PLEKHM3: variants seen among roughly 807,000 people sequenced by gnomAD.
PLEKHM3 encodes pleckstrin homology domain-containing family M member 3.
PLEKHM3 carries 45 observed loss-of-function variants against 81.8 expected under a neutral mutation model. The ratio of observed to expected loss-of-function variants is 0.55; its 90% CI spans 0.43 to 0.71. The LOEUF (loss-of-function observed/expected upper bound fraction) is 0.71, where lower values mean the gene tolerates loss of function less well. PLEKHM3 is among the 30% of genes least tolerant of loss of function. The pLI is 0.00. For missense variants in PLEKHM3, 788 were observed against 924.3 expected (o/e 0.85, Z 1.91); for synonymous variants, 352 against 356.4 (o/e 0.99, Z 0.14).
chr2:207,851,507 G>C (rs925494398), intron 7 of PLEKHM3: 1 of 152,138 alleles, frequency 6.6e-6, no homozygotes, highest in Non-Finnish European at 1.5e-5. Context: ...AGGCCGAGGC[G>C]GGGGAGGATC....
At chr2:207,981,726 A>T (rs972950501) in intron 2 of PLEKHM3, among the ~76,000 whole-genome samples, 1 of 152,168 alleles carries the variant, frequency 6.6e-6, no homozygotes, top group African/African-American at 2.4e-5. Flanking sequence ...AATTTACCAT[A>T]GTTCACTTTT....
chr2:207,844,206 T>A (rs547622149), intron 7 of PLEKHM3, among the ~76,000 whole-genome samples: 47 of 152,282 alleles, frequency 3.1e-4, no homozygotes, highest in Non-Finnish European at 4.9e-4. Flanking sequence ...GTTAGTGGCT[T>A]CCAATATTTC....
At chr2:207,937,570 T>TAAA (rs771283946) in intron 4 of PLEKHM3, among the ~76,000 whole-genome samples, 1 of 128,130 alleles carries the variant, frequency 7.8e-6, no homozygotes, top group East Asian at 2.2e-4. Flanking sequence ...ACACTGTCTC[T>TAAA]AAAAAAAAAA....
intron 5 of PLEKHM3, among the ~76,000 whole-genome samples, chr2:207,918,817 A>C (rs1188446639): frequency 6.6e-6 from 1 of 152,214 alleles, no homozygotes; most frequent in East Asian, 1.9e-4. Context: ...TAACAGATAA[A>C]AAGTCATGAC....
intron 5 of PLEKHM3, among the ~76,000 whole-genome samples, chr2:207,912,434 G>A (rs978634312): frequency 6.6e-6 from 1 of 152,180 alleles, no homozygotes; most frequent in Non-Finnish European, 1.5e-5. Context: ...CATGAGGTCA[G>A]TCATAACAGA....
intron 1 of PLEKHM3, among the ~76,000 whole-genome samples, chr2:208,002,174 G>A (rs977869136): frequency 6.6e-6 from 1 of 152,202 alleles, no homozygotes; most frequent in East Asian, 1.9e-4. Flanking sequence ...TTGATAAGAG[G>A]AATTAAAGTC....
Position 208,018,395 on chromosome 2 carries a change from G to GA in PLEKHM3, c.-319+6993dup, listed in dbSNP as rs75422528. On this transcript the variant is annotated intron_variant, in intron 1 of 7. Transcript: ENST00000427836. ...TCAAAAAAAAAAAAAGAAAAGAAAA[G>GA]AAAAAAAAAAAAAGAAACATACTAC... Among the ~76,000 whole-genome samples the GA allele has an allele frequency of 2.4e-3, 305 of 125,876 alleles. 1 individual carries two copies. The highest frequency in any genetic ancestry group is 8.1e-3 in the Middle Eastern group (2 of 248). The allele number at this position is 125,876 out of a possible 152,430, so 82.6% of individuals were successfully genotyped here.
chr2:207,946,103 C>T (rs796459188), intron 4 of PLEKHM3, among the ~76,000 whole-genome samples: 7 of 152,232 alleles, frequency 4.6e-5, no homozygotes, highest in African/African-American at 1.2e-4. Flanking sequence ...ATAAAAGAGG[C>T]TCCTCTCTCT....
At chr2:208,022,496 G>A (rs1243460644) in intron 1 of PLEKHM3, among the ~76,000 whole-genome samples, 1 of 152,030 alleles carries the variant, frequency 6.6e-6, no homozygotes, top group Non-Finnish European at 1.5e-5. Context: ...AAGCTTATTG[G>A]GATTGTTGAC....
chr2:207,858,760 T>C (rs949389138), intron 7 of PLEKHM3, among the ~76,000 whole-genome samples: 2 of 152,274 alleles, frequency 1.3e-5, no homozygotes, highest in African/African-American at 4.8e-5. Context: ...GGATTATAGA[T>C]GTGAGCCACC....
At chr2:207,982,233 C>T (rs1691553514) in intron 2 of PLEKHM3, among the ~76,000 whole-genome samples, 1 of 131,172 alleles carries the variant, frequency 7.6e-6, no homozygotes, top group African/African-American at 3.1e-5. Flanking sequence ...CCCTCCCTCA[C>T]TCCCCCCCTC....
intron 6 of PLEKHM3, among the ~76,000 whole-genome samples, chr2:207,890,647 A>C (rs1022881675): frequency 1.3e-5 from 2 of 152,146 alleles, no homozygotes; most frequent in African/African-American, 4.8e-5. Context: ...AAAAACAAAA[A>C]AGCAAGAATA....
At chr2:207,832,174 A>G (rs2092292256) in intron 7 of PLEKHM3, among the ~76,000 whole-genome samples, 1 of 152,236 alleles carries the variant, frequency 6.6e-6, no homozygotes, top group African/African-American at 2.4e-5. Flanking sequence ...AGATAAAAAA[A>G]AATTAATGAT....
At chr2:207,878,035 C>G (rs1241521141) in intron 6 of PLEKHM3, among the ~76,000 whole-genome samples, 1 of 152,106 alleles carries the variant, frequency 6.6e-6, no homozygotes, top group Non-Finnish European at 1.5e-5. Flanking sequence ...GCCTCCTGGG[C>G]TCAAACGATC....
intron 2 of PLEKHM3, among the ~76,000 whole-genome samples, chr2:207,993,781 G>A (rs1169917100): frequency 6.6e-6 from 1 of 152,162 alleles, no homozygotes; most frequent in Non-Finnish European, 1.5e-5. Flanking sequence ...AAGTAAGTTA[G>A]ATTCTGGCAG....
At chr2:207,969,030 A>G (rs960567387) in intron 3 of PLEKHM3, among the ~76,000 whole-genome samples, 1 of 152,234 alleles carries the variant, frequency 6.6e-6, no homozygotes, top group Non-Finnish European at 1.5e-5. Flanking sequence ...TGAAAATAGT[A>G]GTAAAGATGA....
intron 3 of PLEKHM3, among the ~76,000 whole-genome samples, chr2:207,974,353 G>A (rs1481001705): frequency 6.6e-6 from 1 of 152,162 alleles, no homozygotes; most frequent in Non-Finnish European, 1.5e-5. Flanking sequence ...TGAGTGTCAG[G>A]AATGCTACGA....
intron 3 of PLEKHM3, among the ~76,000 whole-genome samples, chr2:207,955,648 C>A (rs1403600647): frequency 6.6e-6 from 1 of 152,210 alleles, no homozygotes; most frequent in Non-Finnish European, 1.5e-5. Context: ...AAAAGTAATT[C>A]TGTCCACTGT....
At chr2:207,981,051 C>A (rs1213906236) in intron 2 of PLEKHM3, among the ~76,000 whole-genome samples, 1 of 150,926 alleles carries the variant, frequency 6.6e-6, no homozygotes, top group Non-Finnish European at 1.5e-5. Context: ...TCACTTGAAC[C>A]CAGGAGGCAG....
Sources: allele counts gnomAD v4.1 joint callset (sites outside exome capture counted in the v4.1 genomes callset), GRCh38; gene constraint gnomAD v4.1.1; transcripts MANE v1.5; gene names NCBI Gene and HGNC (gene_info 2026-07-23, HGNC 2026-07-21).